Variants in GHR observed in about 807,000 individuals in gnomAD.
The protein encoded by GHR is GH receptor.
In GHR, 35 loss-of-function variants were observed where a neutral mutation model predicts 67.1. The ratio of observed to expected loss-of-function variants is 0.52; its 90% CI spans 0.40 to 0.69. The LOEUF (loss-of-function observed/expected upper bound fraction) is 0.69, where lower values mean the gene tolerates loss of function less well. Among genes scored for constraint, GHR ranks in the 30% least tolerant of loss-of-function variants. The pLI is 0.00. For missense variants in GHR, 792 were observed against 764.6 expected (o/e 1.04, Z -0.42); for synonymous variants, 272 against 269.1 (o/e 1.01, Z -0.10).
At chr5:42,673,027 T>G (rs1756394830) in intron 3 of GHR, among the ~76,000 whole-genome samples, 1 of 152,136 alleles carries the variant, frequency 6.6e-6, no homozygotes, top group Admixed American at 6.5e-5. Context: ...AACCAAGATC[T>G]AATATCTGGC....
At chr5:42,658,171 G>A (rs1755358601) in intron 3 of GHR, among the ~76,000 whole-genome samples, 1 of 152,058 alleles carries the variant, frequency 6.6e-6, no homozygotes, top group African/African-American at 2.4e-5. Context: ...ACAGCTCATA[G>A]AAACCGATAA....
intron 6 of GHR, among the ~76,000 whole-genome samples, chr5:42,702,653 C>T (rs1419785168): frequency 1.3e-5 from 2 of 151,974 alleles, no homozygotes; most frequent in African/African-American, 2.4e-5. Flanking sequence ...CTAATTTACA[C>T]TCCCACCAAT....
At position 42,707,127 on chromosome 5, in the gene GHR, C is replaced by CTG. The variant is rs535927033; in HGVS notation, c.619-4067_619-4066dup. 2.6e-4 allele frequency among the ~76,000 whole-genome samples: 39 copies of CTG among 150,944 alleles called. No individual in the cohort carries two copies. The South Asian group carries it at 3.8e-3, about 15-fold the overall frequency. On this transcript the variant is annotated intron_variant, in intron 6 of 9. Transcript: ENST00000230882. ...CTTTGTTAAATGTATTCCTAGGTTT[C>CTG]TGTGTGTGTGTGTGGCTATAATAGG...
At chr5:42,470,234 TTATA>T (rs1744950906) in intron 1 of GHR, among the ~76,000 whole-genome samples, 1 of 141,276 alleles carries the variant, frequency 7.1e-6, no homozygotes, top group Admixed American at 7.1e-5. Context: ...TTATATATCA[TTATA>T]TAATGTATTA....
At chr5:42,586,484 CGAT>C (rs1337078629) in intron 2 of GHR, among the ~76,000 whole-genome samples, 2 of 152,032 alleles carry the variant, frequency 1.3e-5, no homozygotes, top group African/African-American at 4.8e-5. Context: ...GAAATTGGCT[CGAT>C]GATAAGATAG....
In GHR at chr5:42,716,205, G is replaced by A. The variant is rs528987212; in HGVS notation, c.876-1847G>A. Among the ~76,000 whole-genome samples, 8 of 151,572 alleles carry A rather than the reference G, an allele frequency of 5.3e-5. No individual in the cohort carries two copies. In the South Asian group the frequency reaches 1.2e-3, roughly 24 times the overall value. On this transcript the variant is annotated intron_variant, in intron 8 of 9. Transcript: ENST00000230882. ...AAACAAAACAGCGAAACAGCAGCATGACACAAAGAACCTGGGTTTTGATTT... is the reference window on the plus strand; with the variant it reads ...AAACAAAACAGCGAAACAGCAGCATAACACAAAGAACCTGGGTTTTGATTT...
At chr5:42,629,801 T>A (rs1374258694) in intron 3 of GHR, among the ~76,000 whole-genome samples, 1 of 132,024 alleles carries the variant, frequency 7.6e-6, no homozygotes, top group Non-Finnish European at 1.6e-5. Context: ...ACTGCCTCTT[T>A]TTATAAATTC....
chr5:42,648,584 C>T (rs1206812657), intron 3 of GHR, among the ~76,000 whole-genome samples: 1 of 152,096 alleles, frequency 6.6e-6, no homozygotes, highest in African/African-American at 2.4e-5. Flanking sequence ...AACCCCTCCC[C>T]TTCTTTATTA....
At chr5:42,627,070 G>A (rs1361766488) in intron 2 of GHR, among the ~76,000 whole-genome samples, 1 of 152,104 alleles carries the variant, frequency 6.6e-6, no homozygotes, top group Non-Finnish European at 1.5e-5. Context: ...TTACGACTGT[G>A]TTTATAGTGG....
At chr5:42,461,519 G>A (rs1325449145) in intron 1 of GHR, among the ~76,000 whole-genome samples, 1 of 152,118 alleles carries the variant, frequency 6.6e-6, no homozygotes, top group Non-Finnish European at 1.5e-5. Flanking sequence ...CAGCCTGATT[G>A]TCATTTCTTT....
chr5:42,655,096 A>G (rs1333746030), intron 3 of GHR, among the ~76,000 whole-genome samples: 1 of 152,178 alleles, frequency 6.6e-6, no homozygotes, highest in Non-Finnish European at 1.5e-5. Flanking sequence ...AATAGCGAAT[A>G]CATTTTTAGG....
chr5:42,437,478 A>C (rs1743376489), intron 1 of GHR, among the ~76,000 whole-genome samples: 1 of 152,082 alleles, frequency 6.6e-6, no homozygotes, highest in Non-Finnish European at 1.5e-5. Flanking sequence ...TACACACAGC[A>C]GTTCTGAGAA....
chr5:42,578,913 A>G (rs1267585254), intron 2 of GHR, among the ~76,000 whole-genome samples: 1 of 152,176 alleles, frequency 6.6e-6, no homozygotes, highest in Admixed American at 6.6e-5. Context: ...ACGTACAGCA[A>G]TAAATATCAG....
At chr5:42,608,109 C>T (rs573083656) in intron 2 of GHR, among the ~76,000 whole-genome samples, 18 of 152,222 alleles carry the variant, frequency 1.2e-4, no homozygotes, top group African/African-American at 3.9e-4. Flanking sequence ...CTCCTTGAGC[C>T]CCAGTTTTCT....
intron 1 of GHR, among the ~76,000 whole-genome samples, chr5:42,544,087 G>C (rs1376266456): frequency 1.3e-5 from 2 of 152,068 alleles, no homozygotes; most frequent in Non-Finnish European, 2.9e-5. Flanking sequence ...AAGCTTAAAA[G>C]CCTAAAGGCA....
chr5:42,717,135 A>G (rs1758761079), intron 8 of GHR, among the ~76,000 whole-genome samples: 1 of 152,076 alleles, frequency 6.6e-6, no homozygotes, highest in Admixed American at 6.6e-5. Context: ...CTAGAGCAAG[A>G]CTCCATTACA....
intron 1 of GHR, among the ~76,000 whole-genome samples, chr5:42,496,909 C>A (rs1448209725): frequency 6.6e-6 from 1 of 152,122 alleles, no homozygotes; most frequent in African/African-American, 2.4e-5. Context: ...GGGTCACATG[C>A]AAGTTATTTG....
chr5:42,644,492 T>C, intron 3 of GHR, among the ~76,000 whole-genome samples: 1 of 152,090 alleles, frequency 6.6e-6, no homozygotes, highest in East Asian at 1.9e-4. Context: ...TTATACAAAC[T>C]TAAGAGACAC....
intron 2 of GHR, among the ~76,000 whole-genome samples, chr5:42,590,737 T>C (rs1751732287): frequency 6.6e-6 from 1 of 152,244 alleles, no homozygotes. Context: ...TACTCATACA[T>C]GCTTGTTGAC....
Sources: gnomAD v4.1 joint callset for allele counts (sites outside exome capture counted in the v4.1 genomes callset) on GRCh38, gnomAD v4.1.1 for gene constraint, MANE v1.5 for transcripts, NCBI Gene and HGNC (gene_info 2026-07-23, HGNC 2026-07-21) for gene names.